The following PTPRO variants were observed in gnomAD, a reference collection of about 807,000 sequenced individuals.
The protein encoded by PTPRO is protein tyrosine phosphatase receptor type O.
Under a neutral mutation model 145.2 loss-of-function variants are expected in PTPRO, and 62 were observed. The observed-to-expected ratio is 0.43, with a 90% CI of 0.35 to 0.53. The LOEUF is 0.53. PTPRO is among the 20% of genes least tolerant of loss of function. The pLI, the probability that PTPRO is intolerant of heterozygous loss-of-function variation, is 0.01. For synonymous variants in PTPRO, 565 were observed against 514.7 expected, an observed-to-expected ratio of 1.10 and a Z score of -1.32; for missense variants, 1,345 against 1,482.7, an observed-to-expected ratio of 0.91 and a Z score of 1.53.
At chr12:15,492,657 A>G (rs1443379630) in intron 2 of PTPRO, among the ~76,000 whole-genome samples, 1 of 152,208 alleles carries the variant, frequency 6.6e-6, no homozygotes, top group African/African-American at 2.4e-5. Context: ...GCATCAAACT[A>G]GGTAAAATTA....
intron 15 of PTPRO, 74 bp from the exon 16 acceptor site, chr12:15,557,379 ACT>A (rs1943661456): frequency 3.9e-6 from 5 of 1,282,324 alleles, no homozygotes; most frequent in African/African-American, 1.5e-5. Flanking sequence ...GCTGGTAAAG[ACT>A]CTCTTTACTT....
chr12:15,578,930 A>C lies in PTPRO; in HGVS notation c.2907A>C (p.Thr969=). The C allele has an allele frequency of 6.3e-7, 1 of 1,592,642 alleles. No homozygotes were observed. The highest frequency in any genetic ancestry group is 8.6e-7 in the Non-Finnish European group (1 of 1,160,536). The part of the protein sequence containing the change: ...LPLNRCKNRY[T]NILPYDFSRV... ...TGAATCGATGTAAAAACCGTTACAC[A>C]AACATCCTACCATGTAAGATCGTCA... Residue 969 remains threonine, a synonymous_variant, in exon 20 of 27, where the codon ACA becomes ACC. Coordinates refer to ENST00000281171, the MANE Select transcript of PTPRO (RefSeq NM_030667.3).
intron 1 of PTPRO, among the ~76,000 whole-genome samples, chr12:15,475,214 A>G (rs1246406652): frequency 6.6e-6 from 1 of 152,242 alleles, no homozygotes; most frequent in Non-Finnish European, 1.5e-5. Context: ...CTGCTAAAAC[A>G]TAGAGAAAGA....
intron 12 of PTPRO, among the ~76,000 whole-genome samples, chr12:15,537,604 G>GA (rs929617413): frequency 6.6e-5 from 10 of 151,216 alleles, no homozygotes; most frequent in African/African-American, 1.2e-4. Context: ...ATGGTGACGG[G>GA]AAAAAAAAAT....
At chr12:15,524,185 T>G (rs1942789118) in intron 10 of PTPRO, among the ~76,000 whole-genome samples, 1 of 151,628 alleles carries the variant, frequency 6.6e-6, no homozygotes, top group African/African-American at 2.4e-5. Flanking sequence ...AAACTTGTTC[T>G]TCCCTTCTTT....
Position 15,569,412 on chromosome 12 carries a change from C to T in PTPRO, c.2748-5C>T. The T allele has an allele frequency of 1.2e-6, 2 of 1,610,912 alleles. No homozygotes were observed. Among genetic ancestry groups the T allele is most frequent in the Non-Finnish European group, 1.7e-6 (2 of 1,177,228 alleles). On this transcript the variant is annotated splice_region_variant and splice_polypyrimidine_tract_variant and intron_variant, in intron 18 of 26. Transcript: ENST00000281171. ...TGTATGTATATTTCTTTGTGTTTGG[C>T]AAAGCCCGGTTCAACTGGATGACTT...
At chr12:15,539,119 A>G (rs1025637065) in intron 12 of PTPRO, among the ~76,000 whole-genome samples, 8 of 152,066 alleles carry the variant, frequency 5.3e-5, no homozygotes, top group Non-Finnish European at 1.2e-4. Context: ...GGAGGTATTC[A>G]GATATTTGTT....
chr12:15,364,505 T>C (rs1343653675), intron 1 of PTPRO, among the ~76,000 whole-genome samples: 1 of 152,174 alleles, frequency 6.6e-6, no homozygotes, highest in Admixed American at 6.6e-5. Context: ...TTATTGTAAT[T>C]GCAGAGTTTT....
intron 4 of PTPRO, 29 bp from the exon 5 acceptor site, chr12:15,501,591 C>A: frequency 1.9e-6 from 3 of 1,576,670 alleles, no homozygotes; most frequent in Non-Finnish European, 2.6e-6. Context: ...TTAAAAAATA[C>A]TTGAAAATGA....
At chr12:15,507,473 T>A (rs779322503) in intron 6 of PTPRO, among the ~76,000 whole-genome samples, 1 of 151,664 alleles carries the variant, frequency 6.6e-6, no homozygotes, top group East Asian at 1.9e-4. Context: ...ACGTAACACA[T>A]AAAAACTTAA....
chr12:15,332,818 T>G (rs980172890), intron 1 of PTPRO, among the ~76,000 whole-genome samples: 1 of 152,250 alleles, frequency 6.6e-6, no homozygotes, highest in Non-Finnish European at 1.5e-5. Flanking sequence ...GGTTGTAGCA[T>G]TCACATGTTA....
At chr12:15,592,321 C>G (rs922469346) in intron 25 of PTPRO, among the ~76,000 whole-genome samples, 3 of 152,154 alleles carry the variant, frequency 2.0e-5, no homozygotes, top group South Asian at 2.1e-4. Flanking sequence ...TCCTTTGACG[C>G]TAATGATTTT....
chr12:15,463,034 G>A (rs1296240902), intron 1 of PTPRO, among the ~76,000 whole-genome samples: 1 of 151,964 alleles, frequency 6.6e-6, no homozygotes, highest in Non-Finnish European at 1.5e-5. Flanking sequence ...CAATATATTT[G>A]CAAAATAATG....
chr12:15,351,403 T>C (rs1234338123), intron 1 of PTPRO, among the ~76,000 whole-genome samples: 2 of 152,166 alleles, frequency 1.3e-5, no homozygotes, highest in Admixed American at 1.3e-4. Context: ...CCTGTAAGTG[T>C]ACATGTCAGG....
Position 15,569,506 on chromosome 12 carries a change from G to C in PTPRO, c.2829+8G>C, listed in dbSNP as rs116693321. On this transcript the variant is annotated splice_region_variant and intron_variant, in intron 19 of 26. Transcript: ENST00000281171. ...TTTTCTCTTCAGTTTGAGGTGAGTT[G>C]GTTAAGGCATTTTCTACCTTCTGTA... 2.4e-5 allele frequency: 39 copies of C among 1,604,360 alleles called. No homozygotes were observed. In the East Asian group the frequency reaches 8.7e-4, roughly 36 times the overall value.
intron 1 of PTPRO, among the ~76,000 whole-genome samples, chr12:15,364,344 T>C (rs913253270): frequency 6.6e-6 from 1 of 152,184 alleles, no homozygotes; most frequent in African/African-American, 2.4e-5. Context: ...TTCCCAGGTT[T>C]TCTTGGCTTC....
At chr12:15,403,657 C>G (rs985566338) in intron 1 of PTPRO, among the ~76,000 whole-genome samples, 8 of 152,178 alleles carry the variant, frequency 5.3e-5, no homozygotes, top group African/African-American at 1.9e-4. Context: ...TGTGGCCCTA[C>G]TTGGCTTCCC....
intron 1 of PTPRO, among the ~76,000 whole-genome samples, chr12:15,472,481 A>G (rs1941564948): frequency 6.6e-6 from 1 of 152,094 alleles, no homozygotes; most frequent in South Asian, 2.1e-4. Context: ...TCCTCCGTTG[A>G]TCTAAACACT....
At chr12:15,548,400 C>G (rs555560307) in intron 13 of PTPRO, among the ~76,000 whole-genome samples, 2 of 152,068 alleles carry the variant, frequency 1.3e-5, no homozygotes, top group African/African-American at 4.8e-5. Context: ...TAAATGTACA[C>G]TTTTTGACTC....
Sources: allele counts gnomAD v4.1 joint callset (sites outside exome capture counted in the v4.1 genomes callset), GRCh38; gene constraint gnomAD v4.1.1; transcripts MANE v1.5; gene names NCBI Gene and HGNC (gene_info 2026-07-23, HGNC 2026-07-21).